Variants in ALPK1 observed in about 807,000 individuals in gnomAD.
ALPK1 encodes the protein alpha-protein kinase 1.
A neutral mutation model predicts 120.6 loss-of-function variants in ALPK1; 110 were observed. The observed-to-expected ratio is 0.91, with a 90% CI of 0.78 to 1.07. The LOEUF (loss-of-function observed/expected upper bound fraction) is 1.07. Ranked by LOEUF, ALPK1 falls within the 50% of genes least tolerant of loss-of-function variation. ALPK1 has a pLI of 0.00. For synonymous variants in ALPK1, 582 were observed against 560.3 expected, an observed-to-expected ratio of 1.04 and a Z score of -0.55; for missense variants, 1,498 against 1,483.9, an observed-to-expected ratio of 1.01 and a Z score of -0.16.
At position 112,439,820 on chromosome 4, in the gene ALPK1, C is replaced by A. The variant is rs766541955; in HGVS notation, c.3486C>A (p.Gly1162=). 4.3e-6 allele frequency: 7 copies of A among 1,611,284 alleles called. No homozygotes were observed. In the Admixed American group the frequency reaches 5.1e-5, roughly 12 times the overall value. ...CCACAGAATATGGCTTGGCCTATGG[C>A]CATTTTTCTTATGAGTTTTCTAATC... The part of the protein sequence containing the change: ...YKATEYGLAY[G]HFSYEFSNHR... The change falls in exon 14 of 16, where the codon GGC becomes GGA. Residue 1162 remains glycine, a synonymous_variant. Transcript: ENST00000650871.
At chr4:112,407,206 G>A (rs1733222316) in intron 4 of ALPK1, among the ~76,000 whole-genome samples, 1 of 152,210 alleles carries the variant, frequency 6.6e-6, no homozygotes, top group Admixed American at 6.5e-5. Flanking sequence ...GGTTTGCAAA[G>A]TGAAAAATGT....
At chr4:112,362,946 A>C (rs2148718155) in intron 2 of ALPK1, among the ~76,000 whole-genome samples, 1 of 152,348 alleles carries the variant, frequency 6.6e-6, no homozygotes, top group South Asian at 2.1e-4. Context: ...CTCCTTAAAC[A>C]AAACAGTTGT....
chr4:112,435,909 C>A (rs967134383), intron 12 of ALPK1, among the ~76,000 whole-genome samples: 3 of 152,204 alleles, frequency 2.0e-5, no homozygotes, highest in Non-Finnish European at 4.4e-5. Context: ...TTTGAAAACC[C>A]CACCCCAGTG....
intron 2 of ALPK1, among the ~76,000 whole-genome samples, chr4:112,326,799 A>G (rs1454365329): frequency 6.6e-6 from 1 of 152,234 alleles, no homozygotes; most frequent in Non-Finnish European, 1.5e-5. Flanking sequence ...TTGATTGAAC[A>G]GGGATTCATT....
At chr4:112,370,352 T>C (rs897228499) in intron 2 of ALPK1, among the ~76,000 whole-genome samples, 1 of 152,224 alleles carries the variant, frequency 6.6e-6, no homozygotes, top group African/African-American at 2.4e-5. Context: ...TCCAGAATTA[T>C]CTGTTTTTAT....
chr4:112,315,245 T>C (rs114976593), intron 1 of ALPK1, among the ~76,000 whole-genome samples: 1 of 152,200 alleles, frequency 6.6e-6, no homozygotes, highest in African/African-American at 2.4e-5. Flanking sequence ...AGCAACATTT[T>C]TGTATAAATA....
chr4:112,354,573 A>G (rs1730514306), intron 2 of ALPK1, among the ~76,000 whole-genome samples: 1 of 152,012 alleles, frequency 6.6e-6, no homozygotes, highest in Non-Finnish European at 1.5e-5. Flanking sequence ...GTTCAAGTGA[A>G]TCTCGAGCCT....
chr4:112,399,083 G>A (rs909689296), intron 4 of ALPK1, among the ~76,000 whole-genome samples: 9 of 152,138 alleles, frequency 5.9e-5, no homozygotes, highest in South Asian at 2.1e-4. Context: ...GTATGCATTC[G>A]AGGAAAGAGA....
chr4:112,434,723 T>C (rs17628420), intron 11 of ALPK1, among the ~76,000 whole-genome samples: 43,822 of 152,122 alleles, frequency 0.29, 6,708 homozygotes, highest in East Asian at 0.42. Context: ...ATGCTAGGAT[T>C]CCCAGAGCTG....
intron 1 of ALPK1, among the ~76,000 whole-genome samples, chr4:112,299,281 A>G (rs764717171): frequency 1.3e-5 from 2 of 152,168 alleles, no homozygotes; most frequent in Non-Finnish European, 2.9e-5. Flanking sequence ...AGAGATGATT[A>G]TAACTTAAAT....
chr4:112,346,364 ACT>A (rs1274798135), intron 2 of ALPK1, among the ~76,000 whole-genome samples: 2 of 152,094 alleles, frequency 1.3e-5, no homozygotes, highest in East Asian at 3.8e-4. Context: ...TTTCATGAGG[ACT>A]CTTAACGACA....
Position 112,431,920 on chromosome 4 carries a change from A to G in ALPK1, c.2373A>G (p.Thr791=). ...SPSWVDPEGE[T]AESTEDAPLD... is the part of the protein sequence containing the mutation. ...CCTGGGTTGACCCAGAAGGAGAAAC[A>G]GCAGAAAGCACTGAAGATGCACCCT... The change falls in exon 11 of 16, where the codon ACA becomes ACG. Residue 791 remains threonine (T), a synonymous_variant. Coordinates refer to ENST00000650871, the MANE Select transcript of ALPK1 (RefSeq NM_025144.4). 6.2e-7 allele frequency: 1 copy of G among 1,614,100 alleles called. No individual in the cohort carries two copies. Among genetic ancestry groups the G allele is most frequent in the Non-Finnish European group, 8.5e-7 (1 of 1,180,048 alleles).
At chr4:112,433,223 G>T (rs1734654044) in intron 11 of ALPK1, among the ~76,000 whole-genome samples, 1 of 152,190 alleles carries the variant, frequency 6.6e-6, no homozygotes, top group African/African-American at 2.4e-5. Flanking sequence ...GGTAGCATAT[G>T]AACAACAGAA....
chr4:112,362,466 GA>G (rs1477422433), intron 2 of ALPK1, among the ~76,000 whole-genome samples: 1 of 152,056 alleles, frequency 6.6e-6, no homozygotes, highest in Non-Finnish European at 1.5e-5. Context: ...CAACAGAATT[GA>G]ACTAGTAGAA....
chr4:112,354,673 G>A (rs1264847203), intron 2 of ALPK1, among the ~76,000 whole-genome samples: 1 of 152,062 alleles, frequency 6.6e-6, no homozygotes, highest in East Asian at 1.9e-4. Flanking sequence ...TCACCATGTT[G>A]TCCAGGCTGG....
chr4:112,322,324 A>T (rs1728898454), intron 2 of ALPK1, among the ~76,000 whole-genome samples: 1 of 152,240 alleles, frequency 6.6e-6, no homozygotes, highest in African/African-American at 2.4e-5. Context: ...TCAAGAGTGT[A>T]GGCAGAGAAT....
intron 2 of ALPK1, among the ~76,000 whole-genome samples, chr4:112,330,174 A>G (rs189446952): frequency 1.9e-3 from 285 of 152,378 alleles, no homozygotes; most frequent in African/African-American, 6.5e-3. Context: ...CAACCAAGTC[A>G]AAAGAGGAAC....
At chr4:112,356,122 A>G in intron 2 of ALPK1, 1 of 1,535,388 alleles carries the variant, frequency 6.5e-7, no homozygotes, top group Non-Finnish European at 9.0e-7. Flanking sequence ...TGCCCTCCTG[A>G]GAACAGGCTG....
chr4:112,346,872 G>A (rs555092361), intron 2 of ALPK1, among the ~76,000 whole-genome samples: 4 of 152,310 alleles, frequency 2.6e-5, no homozygotes, highest in Admixed American at 2.6e-4. Flanking sequence ...GTAATGGGAA[G>A]AGTCCACTGT....
Sources: allele counts gnomAD v4.1 joint callset (sites outside exome capture counted in the v4.1 genomes callset), GRCh38; gene constraint gnomAD v4.1.1; transcripts MANE v1.5; gene names NCBI Gene and HGNC (gene_info 2026-07-23, HGNC 2026-07-21).